Variants in ERAP1 observed in about 807,000 individuals in gnomAD.
ERAP1 encodes endoplasmic reticulum aminopeptidase 1, also known as adipocyte-derived leucine aminopeptidase.
In ERAP1, 86 loss-of-function variants were observed where a neutral mutation model predicts 103.7. That is an observed-to-expected ratio of 0.83 (90% confidence interval 0.70 to 0.99). The LOEUF (loss-of-function observed/expected upper bound fraction) is 0.99. Ranked by LOEUF, ERAP1 falls within the 50% of genes least tolerant of loss-of-function variation. ERAP1 has a pLI of 0.00. For missense variants in ERAP1, 1,009 were observed against 1,128.4 expected (o/e 0.89, Z 1.52); for synonymous variants, 398 against 402.4 (o/e 0.99, Z 0.13).
chr5:96,872,327 C>A, the ERAP1 span, among the ~76,000 whole-genome samples: 13,590 of 124,028 alleles, frequency 0.11, 729 homozygotes, highest in Middle Eastern at 0.16. Context: ...CCGAATGAGA[C>A]CCTGTCTCAA....
chr5:96,934,401 G>T, the ERAP1 span: 8 of 152,240 alleles, frequency 5.3e-5, no homozygotes, highest in African/African-American at 1.9e-4. Flanking sequence ...AGAAGAAACA[G>T]TTCTTGTGCG....
In ERAP1 at chr5:96,775,202, C is replaced by G. The variant is rs1358094167; in HGVS notation, c.*1194G>C. 1.0e-6 allele frequency: 1 copy of G among 985,410 alleles called. No individual in the cohort carries two copies. Among genetic ancestry groups the G allele is most frequent in the African/African-American group, 1.7e-5 (1 of 57,220 alleles). The allele number at this position is 985,410 out of a possible 1,614,324, so 61.0% of individuals were successfully genotyped here. A position where few individuals can be genotyped will look rare whatever the true frequency, so the allele number is the denominator to read the frequency against. ...AGTAAACTGTGCTTTCTATTATTATCATCTATACATAAAACCTGAGCAGCA... is the reference window on the plus strand; with the variant it reads ...AGTAAACTGTGCTTTCTATTATTATGATCTATACATAAAACCTGAGCAGCA... On this transcript the variant is annotated 3_prime_UTR_variant, in exon 19 of 19. Coordinates refer to ENST00000443439, the MANE Select transcript of ERAP1 (RefSeq NM_001040458.3).
intron 18 of ERAP1, 140 bp from the exon 19 acceptor site, chr5:96,776,691 T>C (rs1193381051): frequency 8.1e-7 from 1 of 1,237,030 alleles, no homozygotes; most frequent in Admixed American, 2.3e-5. Flanking sequence ...AATAGGATTA[T>C]GTACACATAA....
At chr5:96,872,318 C>T in the ERAP1 span, among the ~76,000 whole-genome samples, 2 of 140,672 alleles carry the variant, frequency 1.4e-5, no homozygotes, top group African/African-American at 5.3e-5. Flanking sequence ...CCTGGGTGAC[C>T]GAATGAGACC....
intron 3 of ERAP1, among the ~76,000 whole-genome samples, chr5:96,798,106 A>C (rs1459192696): frequency 6.6e-6 from 1 of 152,128 alleles, no homozygotes; most frequent in African/African-American, 2.4e-5. Context: ...CGGGTGGATC[A>C]CAAGGTAAGG....
At chr5:96,829,799 T>C in the ERAP1 span, among the ~76,000 whole-genome samples, 1 of 152,200 alleles carries the variant, frequency 6.6e-6, no homozygotes, top group East Asian at 1.9e-4. Context: ...AGGATATGCA[T>C]AGGAAAGTAA....
At chr5:96,772,010 T>A (rs200937935), downstream of ERAP1, 1 of 204,844 alleles carries the variant, frequency 4.9e-6, no homozygotes, top group African/African-American at 2.3e-5. Context: ...TGCTCATTAC[T>A]GCAGGTTATT....
At chr5:96,800,014 C>T (rs1010825709) in intron 3 of ERAP1, among the ~76,000 whole-genome samples, 3 of 152,210 alleles carry the variant, frequency 2.0e-5, no homozygotes, top group African/African-American at 4.8e-5. Context: ...TATGATATTG[C>T]TTCCCCGGTC....
chr5:96,874,180 A>AAGAAAG, the ERAP1 span, among the ~76,000 whole-genome samples: 3,560 of 81,162 alleles, frequency 0.044, 52 homozygotes, highest in East Asian at 0.068. Context: ...GAAAGAAAGA[A>AAGAAAG]AGAGAGAGAG....
chr5:96,858,576 T>G, the ERAP1 span, among the ~76,000 whole-genome samples: 2 of 152,220 alleles, frequency 1.3e-5, no homozygotes, highest in Non-Finnish European at 2.9e-5. Context: ...GCCATTCAAC[T>G]TGGGGATTTA....
intron 19 of ERAP1, among the ~76,000 whole-genome samples, chr5:96,763,679 G>A (rs1271059126): frequency 2.6e-5 from 4 of 152,066 alleles, no homozygotes; most frequent in Non-Finnish European, 4.4e-5. Context: ...TTAGGAAATC[G>A]AAGAGTCAAA....
At chr5:96,782,485 T>A (rs779080076) in intron 15 of ERAP1, among the ~76,000 whole-genome samples, 1 of 152,128 alleles carries the variant, frequency 6.6e-6, no homozygotes, top group Non-Finnish European at 1.5e-5. Context: ...CAAACTATAT[T>A]CAAAATTTAC....
the ERAP1 span, among the ~76,000 whole-genome samples, chr5:96,929,426 C>A: frequency 5.9e-5 from 9 of 151,764 alleles, no homozygotes; most frequent in Non-Finnish European, 8.8e-5. Context: ...TCCTTCTTTC[C>A]TTCCTTCCCT....
upstream of ERAP1, among the ~76,000 whole-genome samples, chr5:96,811,513 C>CA (rs1245233714): frequency 6.6e-6 from 1 of 152,218 alleles, no homozygotes; most frequent in African/African-American, 2.4e-5. Flanking sequence ...GCAGGGCTGA[C>CA]AGAGACAGAG....
the ERAP1 span, chr5:96,912,558 T>G: frequency 9.7e-7 from 1 of 1,027,176 alleles, no homozygotes; most frequent in Middle Eastern, 2.7e-4. Flanking sequence ...ATTATTGTGT[T>G]ATAGGACTTA....
chr5:96,913,718 T>C, the ERAP1 span, among the ~76,000 whole-genome samples: 1 of 152,200 alleles, frequency 6.6e-6, no homozygotes, highest in Admixed American at 6.5e-5. Flanking sequence ...CCGAGTTGAA[T>C]TAAATGCAGT....
intron 19 of ERAP1, chr5:96,767,902 C>T (rs777394572): frequency 8.7e-5 from 139 of 1,604,662 alleles, no homozygotes; most frequent in South Asian, 7.4e-4. Context: ...CTACTCATAT[C>T]TCAGAAACCT....
chr5:96,842,543 T>C, the ERAP1 span, among the ~76,000 whole-genome samples: 1 of 152,264 alleles, frequency 6.6e-6, no homozygotes, highest in Non-Finnish European at 1.5e-5. Flanking sequence ...TCATTAGTGA[T>C]GTTGAGCATT....
At chr5:96,815,249 A>G in the ERAP1 span, among the ~76,000 whole-genome samples, 1 of 152,118 alleles carries the variant, frequency 6.6e-6, no homozygotes, top group African/African-American at 2.4e-5. Context: ...CTAAACTTTT[A>G]TAAAATCTGT....
Sources: allele counts gnomAD v4.1 joint callset (sites outside exome capture counted in the v4.1 genomes callset), GRCh38; gene constraint gnomAD v4.1.1; transcripts MANE v1.5; gene names NCBI Gene and HGNC (gene_info 2026-07-23, HGNC 2026-07-21).